Variants in SLC7A8 observed in about 807,000 individuals in gnomAD.
SLC7A8 encodes large neutral amino acids transporter small subunit 2.
Under a neutral mutation model 51.2 loss-of-function variants are expected in SLC7A8, and 30 were observed. That is an observed-to-expected ratio of 0.59 (90% confidence interval 0.44 to 0.80). SLC7A8 has a LOEUF of 0.80. SLC7A8 is among the 30% of genes least tolerant of loss of function. The pLI is 0.00. For missense variants in SLC7A8, 612 were observed against 674.4 expected, an observed-to-expected ratio of 0.91 and a Z score of 1.03; for synonymous variants, 257 against 275.8, an observed-to-expected ratio of 0.93 and a Z score of 0.67.
chr14:23,154,921 A>G (rs562667508), intron 3 of SLC7A8, among the ~76,000 whole-genome samples: 62 of 151,634 alleles, frequency 4.1e-4, no homozygotes, highest in African/African-American at 1.5e-3. Context: ...CTTGTCTGAT[A>G]AAGTTATACA....
chr14:23,165,113 G>A lies in SLC7A8; in HGVS notation c.508+172C>T, dbSNP rs2048942605. On this transcript the variant is annotated intron_variant, in intron 3 of 10. Coordinates refer to ENST00000316902, the MANE Select transcript of SLC7A8 (RefSeq NM_012244.4). This position sits in a 1 kb window ranked among gnomAD's most constrained non-coding sequence, Gnocchi z 4.2. ...CACACCTGTAACCACAACACTTTGG[G>A]AGGCCGAGGCAGGAGGATCACTTGA... is the stretch of plus-strand genomic sequence containing the variant. 6.6e-6 allele frequency among the ~76,000 whole-genome samples: 1 copy of A among 152,194 alleles called. No homozygotes were observed. Among genetic ancestry groups the A allele is most frequent in the African/African-American group, 2.4e-5 (1 of 41,456 alleles).
intron 3 of SLC7A8, among the ~76,000 whole-genome samples, chr14:23,150,505 C>T (rs1039192088): frequency 6.6e-6 from 1 of 152,150 alleles, no homozygotes; most frequent in Non-Finnish European, 1.5e-5. Context: ...AGGAACTCAG[C>T]GGCCATGGTG....
Position 23,165,513 on chromosome 14 carries a change from T to C in SLC7A8, c.357-77A>G. 1 of 1,446,696 alleles carries C rather than the reference T, an allele frequency of 6.9e-7. No homozygotes were observed. The highest frequency in any genetic ancestry group is 9.2e-7 in the Non-Finnish European group (1 of 1,088,160). The allele number at this position is 1,446,696 out of a possible 1,614,324, so 89.6% of individuals were successfully genotyped here. ...ATCAGGGGAGAGCCCGGGCAAGTCA[T>C]GCATCTCTTTTTTATTTTCAAGGAT... On this transcript the variant is annotated intron_variant, in intron 2 of 10. Coordinates refer to ENST00000316902, the MANE Select transcript of SLC7A8 (RefSeq NM_012244.4). This position sits in a 1 kb window ranked among gnomAD's most constrained non-coding sequence, Gnocchi z 4.2.
chr14:23,150,057 G>A (rs1356656870), intron 3 of SLC7A8, among the ~76,000 whole-genome samples: 1 of 152,172 alleles, frequency 6.6e-6, no homozygotes, highest in African/African-American at 2.4e-5. Context: ...CCATCATTAA[G>A]CAATGCATGA....
At chr14:23,176,575 TATA>T (rs747083280) in intron 1 of SLC7A8, among the ~76,000 whole-genome samples, 5 of 152,162 alleles carry the variant, frequency 3.3e-5, no homozygotes, top group African/African-American at 4.8e-5. Context: ...TACAGGTAAT[TATA>T]ATAAGTACTG....
rs777815864 is a variant in SLC7A8, at chr14:23,182,769, A to G, written c.146T>C (p.Ile49Thr). The change falls in exon 1 of 11, where the codon ATC becomes ACC. Residue 49 changes from isoleucine (I) to threonine (T), a missense_variant. Transcript: ENST00000316902. ...EIGLVSACGI[I>T]VGNIIGSGIF... is the part of the protein sequence containing the mutation. Reference sequence around the variant, plus strand: ...CGGGAAGGAATGGAACTCACCTACGATGATACCACAGGCACTGACCAATCC... The same window carrying G: ...CGGGAAGGAATGGAACTCACCTACGGTGATACCACAGGCACTGACCAATCC... 24 of 1,579,438 alleles carry G rather than the reference A, an allele frequency of 1.5e-5. No homozygotes were observed. The highest frequency in any genetic ancestry group is 1.8e-5 in the Non-Finnish European group (21 of 1,164,678).
chr14:23,136,073 C>T (rs959672393), intron 7 of SLC7A8, among the ~76,000 whole-genome samples: 3 of 152,068 alleles, frequency 2.0e-5, no homozygotes, highest in Non-Finnish European at 4.4e-5. Flanking sequence ...ACATATTCAG[C>T]ACACTGGGAG....
chr14:23,182,004 T>C (rs1877202515), intron 1 of SLC7A8, among the ~76,000 whole-genome samples: 1 of 152,208 alleles, frequency 6.6e-6, no homozygotes, highest in South Asian at 2.1e-4. Flanking sequence ...ACACATATTT[T>C]ACCCATCAGT....
intron 1 of SLC7A8, among the ~76,000 whole-genome samples, chr14:23,180,188 G>GCACA: frequency 6.6e-6 from 1 of 152,292 alleles, no homozygotes; most frequent in African/African-American, 2.4e-5. Flanking sequence ...TTACAGGTGT[G>GCACA]AGCCACCGCA....
chr14:23,133,205 A>T (rs1211887158), intron 7 of SLC7A8, among the ~76,000 whole-genome samples: 2 of 152,192 alleles, frequency 1.3e-5, no homozygotes, highest in Non-Finnish European at 2.9e-5. Context: ...TGGCAGGCTG[A>T]GGCGGGAGAA....
chr14:23,165,547 G>A lies in SLC7A8; in HGVS notation c.357-111C>T. On this transcript the variant is annotated intron_variant, in intron 2 of 10. Coordinates refer to ENST00000316902, the MANE Select transcript of SLC7A8 (RefSeq NM_012244.4). This position sits in a 1 kb window ranked among gnomAD's most constrained non-coding sequence, Gnocchi z 4.2. ...TTTTTATTTTCAAGGATGCTGAAGA[G>A]CCCAGCCTCTGCCCCCACCCACAAA... 8.6e-7 allele frequency: 1 copy of A among 1,159,210 alleles called. No homozygotes were observed. 71.8% of individuals were successfully genotyped at this position (1,159,210 alleles called of 1,614,324 possible). A position where few individuals can be genotyped will look rare whatever the true frequency, so the allele number is the denominator to read the frequency against.
At chr14:23,174,368 G>A (rs1454143744) in intron 1 of SLC7A8, among the ~76,000 whole-genome samples, 1 of 152,232 alleles carries the variant, frequency 6.6e-6, no homozygotes, top group African/African-American at 2.4e-5. Context: ...CTTTTGCAAT[G>A]TGCAGTTCAG....
intron 2 of SLC7A8, 72 bp downstream of exon 2, chr14:23,166,264 C>T: frequency 6.4e-7 from 1 of 1,554,462 alleles, no homozygotes; most frequent in South Asian, 1.1e-5. Context: ...TTGGCTTTTT[C>T]CAATCTGACC....
intron 1 of SLC7A8, among the ~76,000 whole-genome samples, chr14:23,179,082 T>C (rs1301722117): frequency 6.6e-6 from 1 of 152,126 alleles, no homozygotes; most frequent in Non-Finnish European, 1.5e-5. Context: ...TTAGTCATTA[T>C]GCTTTTACCT....
At chr14:23,154,667 C>G (rs1036161782) in intron 3 of SLC7A8, among the ~76,000 whole-genome samples, 3 of 152,136 alleles carry the variant, frequency 2.0e-5, no homozygotes, top group African/African-American at 7.2e-5. Context: ...CGCACACAAC[C>G]CAAGGCTCTG....
chr14:23,128,165 A>G lies in SLC7A8; in HGVS notation c.1295T>C (p.Leu432Pro), dbSNP rs750513417. The G allele has an allele frequency of 6.2e-7, 1 of 1,614,192 alleles. No individual in the cohort carries two copies. The highest frequency in any genetic ancestry group is 8.5e-7 in the Non-Finnish European group (1 of 1,180,014). ...INLLFPIIYL[L>P]FWAFLLVFSL... ...GAAGACCAGCAGGAAGGCCCAGAACAGCAAGTAGATGATGGGGAACAGCAG... is the reference window on the plus strand; with the variant it reads ...GAAGACCAGCAGGAAGGCCCAGAACGGCAAGTAGATGATGGGGAACAGCAG... Residue 432 changes from leucine to proline, a missense_variant, in exon 10 of 11, where the codon CTG (leucine) becomes CCG (proline). Physicochemically the swap from Leu to Pro is moderately conservative, Grantham distance 98 (BLOSUM62 -3). Coordinates refer to ENST00000316902, the MANE Select transcript of SLC7A8 (RefSeq NM_012244.4). This position sits in a 1 kb window ranked among gnomAD's most constrained non-coding sequence, Gnocchi z 4.3.
rs1432947502 is a variant in SLC7A8, at chr14:23,129,700, C to T, written c.1213G>A (p.Gly405Arg). The change falls in exon 9 of 11, where the codon GGA (glycine) becomes AGA (arginine). Residue 405 changes from glycine (G) to arginine (R), a missense_variant. Gly to Arg is a moderately radical substitution (Grantham distance 125). Transcript: ENST00000316902. ...TTCTTCCAGCGAAGGACTATCTGTC[C>T]AGCAACCGTGACCCCATAGAAGAGG... ...NYLFYGVTVA[G>R]QIVLRWKKPD... 5 of 1,614,178 alleles carry T rather than the reference C, an allele frequency of 3.1e-6. No individual in the cohort carries two copies. Among genetic ancestry groups the T allele is most frequent in the Non-Finnish European group, 3.4e-6 (4 of 1,180,030 alleles).
intron 3 of SLC7A8, among the ~76,000 whole-genome samples, chr14:23,162,543 G>T (rs1001429072): frequency 6.6e-6 from 1 of 152,138 alleles, no homozygotes; most frequent in Admixed American, 6.5e-5. Context: ...TAGAGGAGGG[G>T]GGTCTTGTCA....
chr14:23,166,950 C>G (rs2239627), intron 1 of SLC7A8, among the ~76,000 whole-genome samples: 50,530 of 152,110 alleles, frequency 0.33, 11,507 homozygotes, highest in African/African-American at 0.65. Flanking sequence ...AGTGACAAGG[C>G]CTTCAAGACT....
Sources: gnomAD v4.1 joint callset for allele counts (sites outside exome capture counted in the v4.1 genomes callset) on GRCh38, gnomAD v4.1.1 for gene constraint, Gnocchi (gnomAD v3.1) non-coding constraint, MANE v1.5 for transcripts, NCBI Gene and HGNC (gene_info 2026-07-23, HGNC 2026-07-21) for gene names.